Variants in RASAL2 observed in about 807,000 individuals in gnomAD.
RASAL2 encodes RAS protein activator like 2, also known as ras GTPase-activating protein nGAP.
In RASAL2, 58 loss-of-function variants were observed where a neutral mutation model predicts 128.9. The observed-to-expected ratio is 0.45, with a 90% confidence interval of 0.36 to 0.56. The LOEUF (loss-of-function observed/expected upper bound fraction) is 0.56, where lower values mean the gene tolerates loss of function less well. RASAL2 is among the 20% of genes least tolerant of loss of function. RASAL2 has a pLI of 0.00. For synonymous variants in RASAL2, 561 were observed against 580.8 expected, an observed-to-expected ratio of 0.97 and a Z score of 0.49; for missense variants, 1,360 against 1,601.6, an observed-to-expected ratio of 0.85 and a Z score of 2.57.
At chr1:178,328,868 G>A (rs1323389928) in intron 3 of RASAL2, among the ~76,000 whole-genome samples, 1 of 152,146 alleles carries the variant, frequency 6.6e-6, no homozygotes, top group Non-Finnish European at 1.5e-5. Context: ...CGGGTTATGA[G>A]TGACTTATAA....
At chr1:178,338,092 T>A (rs951189933) in intron 3 of RASAL2, among the ~76,000 whole-genome samples, 1 of 151,958 alleles carries the variant, frequency 6.6e-6, no homozygotes, top group Non-Finnish European at 1.5e-5. Context: ...TTCAAAAAGA[T>A]CATGCATTTA....
At chr1:178,106,509 A>G (rs1056615446) in intron 1 of RASAL2, among the ~76,000 whole-genome samples, 7 of 152,240 alleles carry the variant, frequency 4.6e-5, no homozygotes, top group Non-Finnish European at 8.8e-5. Flanking sequence ...TGGACCTTGA[A>G]TAAGATGGTC....
chr1:178,425,364 T>C (rs893986522), intron 5 of RASAL2, among the ~76,000 whole-genome samples: 7 of 152,108 alleles, frequency 4.6e-5, no homozygotes, highest in African/African-American at 1.7e-4. Flanking sequence ...TTTTTTTGTC[T>C]TAAAAATTAA....
chr1:178,419,570 T>C (rs1675005800), intron 4 of RASAL2, among the ~76,000 whole-genome samples: 1 of 152,162 alleles, frequency 6.6e-6, no homozygotes, highest in Non-Finnish European at 1.5e-5. Context: ...ACTACAGGCA[T>C]GAGCTACCGT....
intron 4 of RASAL2, among the ~76,000 whole-genome samples, chr1:178,398,705 T>C (rs1015491045): frequency 1.1e-4 from 17 of 152,168 alleles, no homozygotes; most frequent in African/African-American, 4.1e-4. Context: ...CTTAAAAAAT[T>C]TTCCCTTGAA....
At chr1:178,126,478 CTG>C (rs1659904770) in intron 1 of RASAL2, among the ~76,000 whole-genome samples, 1 of 152,210 alleles carries the variant, frequency 6.6e-6, no homozygotes, top group South Asian at 2.1e-4. Context: ...GGGCTGTGCA[CTG>C]TGCATTTGCA....
At chr1:178,338,968 C>T (rs960659037) in intron 3 of RASAL2, among the ~76,000 whole-genome samples, 55 of 152,306 alleles carry the variant, frequency 3.6e-4, no homozygotes, top group African/African-American at 1.3e-3. Context: ...TCCCAGAGTT[C>T]AGGAAAATGC....
At chr1:178,439,998 C>CATCCATCCATCCATCCATCCATCT (rs1553233923) in intron 6 of RASAL2, among the ~76,000 whole-genome samples, 151 of 150,906 alleles carry the variant, frequency 1.0e-3, no homozygotes, top group African/African-American at 3.0e-3. Flanking sequence ...TCCATCCATC[C>CATCCATCCATCCATCCATCCATCT]ATCCATCCAT....
chr1:178,445,142 G>GAA (rs59313065), intron 8 of RASAL2, among the ~76,000 whole-genome samples: 24 of 126,236 alleles, frequency 1.9e-4, no homozygotes, highest in African/African-American at 4.3e-4. Flanking sequence ...ACAGTATTTG[G>GAA]AAAAAAAAAA....
At chr1:178,339,143 G>A (rs1268755271) in intron 3 of RASAL2, among the ~76,000 whole-genome samples, 1 of 152,160 alleles carries the variant, frequency 6.6e-6, no homozygotes, top group Non-Finnish European at 1.5e-5. Flanking sequence ...TGTATGTTAT[G>A]TGCTGAAATA....
chr1:178,406,300 A>G (rs1334783717), intron 4 of RASAL2, among the ~76,000 whole-genome samples: 1 of 152,238 alleles, frequency 6.6e-6, no homozygotes, highest in East Asian at 1.9e-4. Context: ...CATAAATTTC[A>G]AAAACATTAT....
At chr1:178,336,792 A>G (rs1446421297) in intron 3 of RASAL2, among the ~76,000 whole-genome samples, 3 of 152,078 alleles carry the variant, frequency 2.0e-5, no homozygotes, top group Non-Finnish European at 2.9e-5. Flanking sequence ...GTAATATCCA[A>G]CACTATCCGA....
intron 1 of RASAL2, among the ~76,000 whole-genome samples, chr1:178,206,825 G>A (rs1037892187): frequency 6.6e-6 from 1 of 152,086 alleles, no homozygotes; most frequent in Non-Finnish European, 1.5e-5. Flanking sequence ...ATCAATAGTG[G>A]AATGGCTGAA....
In RASAL2 at chr1:178,315,454, G is replaced by GT. The variant is rs945774004; in HGVS notation, c.457+15339dup. On this transcript the variant is annotated intron_variant, in intron 3 of 17. Coordinates refer to ENST00000367649, the MANE Select transcript of RASAL2 (RefSeq NM_170692.4). ...CTCCACATCCTCTCCAGCACCTGTCGTTTCCTGACTTTTTAATGATTGCCA... is the reference window on the plus strand; with the variant it reads ...CTCCACATCCTCTCCAGCACCTGTCGTTTTCCTGACTTTTTAATGATTGCCA... Among the ~76,000 whole-genome samples the GT allele has an allele frequency of 2.2e-4, 32 of 144,688 alleles. 1 individual carries two copies. Among genetic ancestry groups the GT allele is most frequent in the African/African-American group, 8.1e-4 (29 of 35,910 alleles). 94.9% of individuals were successfully genotyped at this position (144,688 alleles called of 152,430 possible).
chr1:178,390,838 C>G (rs894476749), intron 4 of RASAL2, among the ~76,000 whole-genome samples: 10 of 151,980 alleles, frequency 6.6e-5, no homozygotes, highest in African/African-American at 2.2e-4. Flanking sequence ...TAGCAAAAAC[C>G]TATCACAATT....
intron 3 of RASAL2, among the ~76,000 whole-genome samples, chr1:178,363,267 G>A (rs928170667): frequency 3.3e-5 from 5 of 152,084 alleles, no homozygotes; most frequent in African/African-American, 1.2e-4. Flanking sequence ...GATTAGTGAT[G>A]TTGAGCATCT....
chr1:178,395,793 T>TATATA lies in RASAL2; in HGVS notation c.564+5587_564+5588insATATA, dbSNP rs879578177. Among the ~76,000 whole-genome samples, 426 of 124,564 alleles carry TATATA rather than the reference T, an allele frequency of 3.4e-3. 21 individuals carry two copies. The highest frequency in any genetic ancestry group is 0.014 in the African/African-American group (388 of 28,238). 81.7% of individuals were successfully genotyped at this position (124,564 alleles called of 152,430 possible). The stretch of plus-strand genomic sequence containing the variant: ...ACAGTATATATATATATATATATAT[T>TATATA]TATTTATTCATATGTGTATGAATGT... On this transcript the variant is annotated intron_variant, in intron 4 of 17. Transcript: ENST00000367649.
At position 178,131,075 on chromosome 1, in the gene RASAL2, C is replaced by CA. The variant is rs919787469; in HGVS notation, c.202+36389dup. ...GTCTCAAAAACAAACAAAAAAAAAA[C>CA]AAAAAAAACCAAAAAAAAACATGTG... On this transcript the variant is annotated intron_variant, in intron 1 of 17. Coordinates refer to ENST00000367649, the MANE Select transcript of RASAL2 (RefSeq NM_170692.4). Among the ~76,000 whole-genome samples, 36 of 146,472 alleles carry CA rather than the reference C, an allele frequency of 2.5e-4. No individual in the cohort carries two copies. The South Asian group carries it at 5.2e-3, about 21-fold the overall frequency.
intron 1 of RASAL2, among the ~76,000 whole-genome samples, chr1:178,256,081 C>T (rs1046937332): frequency 6.6e-6 from 1 of 152,108 alleles, no homozygotes; most frequent in Admixed American, 6.6e-5. Flanking sequence ...ACAAAGGAAT[C>T]CTCTTATTAG....
Sources: gnomAD v4.1 joint callset for allele counts (sites outside exome capture counted in the v4.1 genomes callset) on GRCh38, gnomAD v4.1.1 for gene constraint, MANE v1.5 for transcripts, NCBI Gene and HGNC (gene_info 2026-07-23, HGNC 2026-07-21) for gene names.